SACS: variants seen among roughly 807,000 people sequenced by gnomAD.
The protein encoded by SACS is sacsin.
A neutral mutation model predicts 348.0 loss-of-function variants in SACS; 197 were observed. The ratio of observed to expected loss-of-function variants is 0.57; its 90% CI spans 0.50 to 0.64. SACS has a LOEUF of 0.64. Among genes scored for constraint, SACS ranks in the 30% least tolerant of loss-of-function variants. The pLI, the probability that SACS is intolerant of heterozygous loss-of-function variation, is 0.00. For synonymous variants in SACS, 1,985 were observed against 1,910.6 expected (o/e 1.04, Z -1.02); for missense variants, 4,999 against 5,360.8 (o/e 0.93, Z 2.11).
intron 7 of SACS, among the ~76,000 whole-genome samples, chr13:23,357,447 G>T (rs1161507272): frequency 6.6e-6 from 1 of 152,146 alleles, no homozygotes; most frequent in African/African-American, 2.4e-5. Flanking sequence ...CTAGAGTTGG[G>T]ATGACCCTAC....
chr13:23,354,278 T>G (rs1870169328), intron 8 of SACS, among the ~76,000 whole-genome samples: 1 of 152,228 alleles, frequency 6.6e-6, no homozygotes. Flanking sequence ...GTTCTGCTAT[T>G]GAAATTTCCA....
chr13:23,339,206 C>A lies in SACS; in HGVS notation c.4670G>T (p.Gly1557Val). The change falls in exon 10 of 10, where the codon GGT (glycine) becomes GTT (valine). Residue 1557 changes from glycine to valine, a missense_variant. By Grantham distance (109) the Gly-to-Val change is moderately radical. This residue lies in a region of SACS where 3,156 missense variants were observed against 3,380.1 expected (regional missense o/e 0.93). Coordinates refer to ENST00000382292, the MANE Select transcript of SACS (RefSeq NM_014363.6). ...RGEVDKVGKF[G>V]LGFNSVYHIT... ...ATGGTACACAGAATTAAATCCAAGACCAAATTTTCCAACTTTGTCAACTTC... is the reference window on the plus strand; with the variant it reads ...ATGGTACACAGAATTAAATCCAAGAACAAATTTTCCAACTTTGTCAACTTC... The A allele has an allele frequency of 6.2e-7, 1 of 1,611,680 alleles. No individual in the cohort carries two copies. The highest frequency in any genetic ancestry group is 1.3e-5 in the African/African-American group (1 of 74,934).
rs978596048 is a variant in SACS, at chr13:23,333,729, C to A, written c.10147G>T (p.Asp3383Tyr). The A allele has an allele frequency of 6.2e-7, 1 of 1,613,624 alleles. No individual in the cohort carries two copies. The highest frequency in any genetic ancestry group is 1.7e-5 in the Admixed American group (1 of 59,962). ...AAATACATCAAAAGTGCCTCAAAATCATTTTCTACTAATTTTTCTGCTCTA... is the reference window on the plus strand; with the variant it reads ...AAATACATCAAAAGTGCCTCAAAATAATTTTCTACTAATTTTTCTGCTCTA... Reference protein sequence around the residue: ...TFRAEKLVENDFEALLMYFNC... With the variant: ...TFRAEKLVENYFEALLMYFNC... Residue 3383 changes from aspartate to tyrosine, a missense_variant, in exon 10 of 10, where the codon GAT becomes TAT. This residue lies in a region of SACS where 734 missense variants were observed against 694.0 expected (regional missense o/e 1.06). Coordinates refer to ENST00000382292, the MANE Select transcript of SACS (RefSeq NM_014363.6).
rs1828923420 is a variant in SACS at position 23,332,487 on chromosome 13, C to A, written c.11389G>T (p.Val3797Leu). The A allele has an allele frequency of 2.5e-6, 4 of 1,614,018 alleles. No individual in the cohort carries two copies. The highest frequency in any genetic ancestry group is 3.4e-6 in the Non-Finnish European group (4 of 1,179,908). The change falls in exon 10 of 10, where the codon GTG becomes TTG. Residue 3797 changes from valine (V) to leucine (L), a missense_variant. Coordinates refer to ENST00000382292, the MANE Select transcript of SACS (RefSeq NM_014363.6). ...FRFQLRGVAFVMVEDGWKLLK... is the reference protein window; with the variant it reads ...FRFQLRGVAFLMVEDGWKLLK... The stretch of plus-strand genomic sequence containing the variant: ...AGTTTCCAACCATCTTCTACCATCA[C>A]AAAAGCAACCCCTCGCAACTGAAAA...
At chr13:23,407,770 G>C (rs978473980) in intron 2 of SACS, among the ~76,000 whole-genome samples, 2 of 152,122 alleles carry the variant, frequency 1.3e-5, no homozygotes, top group Non-Finnish European at 2.9e-5. Context: ...TCCTGCCTTT[G>C]ACCTGCCTAG....
At chr13:23,416,504 T>G (rs893183330) in intron 1 of SACS, among the ~76,000 whole-genome samples, 1 of 152,146 alleles carries the variant, frequency 6.6e-6, no homozygotes, top group African/African-American at 2.4e-5. Flanking sequence ...ACGCCTGTAA[T>G]CCTAGCACTT....
At chr13:23,412,686 G>A (rs905400320) in intron 1 of SACS, among the ~76,000 whole-genome samples, 1 of 152,094 alleles carries the variant, frequency 6.6e-6, no homozygotes, top group Non-Finnish European at 1.5e-5. Flanking sequence ...AAACTGCTGG[G>A]ATTACAGGTG....
chr13:23,340,190 T>G lies in SACS; in HGVS notation c.3686A>C (p.Lys1229Thr). 1 of 1,612,100 alleles carries G rather than the reference T, an allele frequency of 6.2e-7. No homozygotes were observed. The highest frequency in any genetic ancestry group is 8.5e-7 in the Non-Finnish European group (1 of 1,178,860). ...TGAAGAATACCAATCAACAACAATT[T>G]TAAAGTGTTTTAAGACAGCACTAAG... The part of the protein sequence containing the change: ...PSLSAVLKHF[K>T]IVVDWYSSKT... Residue 1229 changes from lysine to threonine, a missense_variant, in exon 10 of 10, where the codon AAA becomes ACA. Around this residue, in one of 6 missense-constraint regions of SACS, gnomAD observed 3,156 missense variants for 3,380.1 expected, o/e 0.93. Transcript: ENST00000382292.
intron 2 of SACS, among the ~76,000 whole-genome samples, chr13:23,407,828 T>A (rs1873300145): frequency 6.6e-6 from 1 of 152,186 alleles, no homozygotes; most frequent in Non-Finnish European, 1.5e-5. Flanking sequence ...CAGAATCCCC[T>A]GACTCCGGCT....
intron 2 of SACS, among the ~76,000 whole-genome samples, chr13:23,392,749 G>A (rs1872575218): frequency 6.6e-6 from 1 of 152,184 alleles, no homozygotes; most frequent in Non-Finnish European, 1.5e-5. Flanking sequence ...GAGGCGGAAG[G>A]ATATTTGTTG....
Position 23,336,654 on chromosome 13 carries a change from C to A in SACS, c.7222G>T (p.Asp2408Tyr), listed in dbSNP as rs760023825. The change falls in exon 10 of 10, where the codon GAT becomes TAT. Residue 2408 changes from aspartate to tyrosine, a missense_variant. Around this residue, in one of 6 missense-constraint regions of SACS, gnomAD observed 3,156 missense variants for 3,380.1 expected, o/e 0.93. Coordinates refer to ENST00000382292, the MANE Select transcript of SACS (RefSeq NM_014363.6). ...EDFALVLESI[D>Y]QERGTKQITE... ...ATTTGCTTTGTTCCTCTTTCTTGAT[C>A]AATAGATTCCAAAACAAGAGCAAAA... is the stretch of plus-strand genomic sequence containing the variant. 3.7e-6 allele frequency: 6 copies of A among 1,613,824 alleles called. No homozygotes were observed. Among genetic ancestry groups the A allele is most frequent in the Non-Finnish European group, 5.1e-6 (6 of 1,179,886 alleles).
chr13:23,421,434 G>A (rs1873934463), intron 1 of SACS, among the ~76,000 whole-genome samples: 1 of 152,108 alleles, frequency 6.6e-6, no homozygotes, highest in African/African-American at 2.4e-5. Context: ...CCAGGGACCT[G>A]GGTATCCACC....
intron 4 of SACS, among the ~76,000 whole-genome samples, chr13:23,368,991 G>C (rs1871229852): frequency 6.6e-6 from 1 of 152,172 alleles, no homozygotes; most frequent in Admixed American, 6.6e-5. Context: ...GAGCCACCAT[G>C]CCTGGCCTCA....
chr13:23,413,203 C>T (rs1873564383), intron 1 of SACS, among the ~76,000 whole-genome samples: 1 of 152,158 alleles, frequency 6.6e-6, no homozygotes, highest in Non-Finnish European at 1.5e-5. Context: ...GTCTTGAACT[C>T]TCAATCTCAG....
intron 9 of SACS, among the ~76,000 whole-genome samples, chr13:23,349,778 CAG>C (rs1013888526): frequency 2.6e-5 from 4 of 152,244 alleles, no homozygotes; most frequent in African/African-American, 4.8e-5. Flanking sequence ...GATGAGGAAA[CAG>C]GGGCTCAGAG....
Position 23,340,728 on chromosome 13 carries a change from C to A in SACS, c.3148G>T (p.Ala1050Ser), listed in dbSNP as rs1869125749. 6.3e-7 allele frequency: 1 copy of A among 1,599,746 alleles called. No homozygotes were observed. Among genetic ancestry groups the A allele is most frequent in the African/African-American group, 1.3e-5 (1 of 74,276 alleles). The change falls in exon 10 of 10, where the codon GCT (alanine) becomes TCT (serine). Residue 1050 changes from alanine to serine, a missense_variant. This residue lies in a region of SACS where 3,156 missense variants were observed against 3,380.1 expected (regional missense o/e 0.93). Transcript: ENST00000382292. ...IQISQEQMVS[A>S]GELFDPDIEV... ...ATATCAGGGTCAAAGAGTTCACCAG[C>A]TGATACCATCTGTTCCTGTGATATC... is the stretch of plus-strand genomic sequence containing the variant.
intron 2 of SACS, chr13:23,375,484 T>G: frequency 8.7e-7 from 1 of 1,149,520 alleles, no homozygotes; most frequent in Non-Finnish European, 1.1e-6. Context: ...CGCAGTCCCG[T>G]ACGCAGCAGC....
intron 2 of SACS, among the ~76,000 whole-genome samples, chr13:23,388,508 T>TAC (rs1203493660): frequency 1.8e-4 from 21 of 113,968 alleles, no homozygotes; most frequent in African/African-American, 3.6e-4. Flanking sequence ...TATATATATA[T>TAC]ACACACACAT....
At chr13:23,419,723 T>C (rs1873843649) in intron 1 of SACS, among the ~76,000 whole-genome samples, 1 of 152,098 alleles carries the variant, frequency 6.6e-6, no homozygotes, top group Non-Finnish European at 1.5e-5. Context: ...GTTGTGGGAG[T>C]TTCATCGTTT....
Sources: gnomAD v4.1 joint callset for allele counts (sites outside exome capture counted in the v4.1 genomes callset) on GRCh38, gnomAD v4.1.1 for gene constraint, gnomAD v4.1.1 regional missense constraint, MANE v1.5 for transcripts, NCBI Gene and HGNC (gene_info 2026-07-23, HGNC 2026-07-21) for gene names.